Variants in PRKCH observed in about 807,000 individuals in gnomAD.
PRKCH encodes the protein protein kinase C eta.
Under a neutral mutation model 82.5 loss-of-function variants are expected in PRKCH, and 28 were observed. That is an observed-to-expected ratio of 0.34 (90% CI 0.25 to 0.47). PRKCH has a LOEUF of 0.47. Among genes scored for constraint, PRKCH ranks in the 20% least tolerant of loss-of-function variants. The probability of loss-of-function intolerance (pLI) is 1.00; values close to 1 mark genes in which losing one functional copy is unlikely to be tolerated. For missense variants in PRKCH, 705 were observed against 881.8 expected, an observed-to-expected ratio of 0.80 and a Z score of 2.54; for synonymous variants, 322 against 327.4, an observed-to-expected ratio of 0.98 and a Z score of 0.18.
At chr14:61,266,371 T>C (rs1219764148) in intron 1 of PRKCH, among the ~76,000 whole-genome samples, 2 of 152,158 alleles carry the variant, frequency 1.3e-5, no homozygotes, top group African/African-American at 4.8e-5. Flanking sequence ...TGAGCTGAGA[T>C]TGTGCCACTG....
chr14:61,549,721 T>A lies in PRKCH; in HGVS notation c.1942T>A (p.Phe648Ile). 1 of 1,613,764 alleles carries A rather than the reference T, an allele frequency of 6.2e-7. No homozygotes were observed. Among genetic ancestry groups the A allele is most frequent in the Non-Finnish European group, 8.5e-7 (1 of 1,179,976 alleles). The change falls in exon 14 of 14, where the codon TTC (phenylalanine) becomes ATC (isoleucine). Residue 648 changes from phenylalanine (F) to isoleucine (I), a missense_variant. Phe to Ile is a conservative substitution (Grantham distance 21). Transcript: ENST00000332981. ...REDVSNFDPD[F>I]IKEEPVLTPI... ...AGATGTCAGTAATTTTGACCCTGAC[T>A]TCATAAAGGAAGAGCCAGTTTTAAC...
chr14:61,280,942 C>T lies in PRKCH; in HGVS notation c.-19+93274C>T. ...CGAGCAGTTACCGGTGCCCGGGTCG[C>T]CTGTATAGTCGTACTCCAGCTCCTT... On this transcript the variant is annotated intron_variant, in intron 1 of 3. Coordinates refer to the PRKCH transcript ENST00000555185. The surrounding 1 kb of genome is among the most constrained non-coding windows in gnomAD (Gnocchi z 5.0). 1 of 1,540,462 alleles carries T rather than the reference C, an allele frequency of 6.5e-7. No individual in the cohort carries two copies. The highest frequency in any genetic ancestry group is 8.7e-7 in the Non-Finnish European group (1 of 1,146,950).
At chr14:61,415,318 G>A (rs1882496482) in intron 2 of PRKCH, among the ~76,000 whole-genome samples, 1 of 152,242 alleles carries the variant, frequency 6.6e-6, no homozygotes, top group Non-Finnish European at 1.5e-5. Context: ...GCAAAAAGAT[G>A]AAGTTCCTGT....
chr14:61,510,709 G>T (rs76024697), intron 10 of PRKCH, among the ~76,000 whole-genome samples: 1 of 151,402 alleles, frequency 6.6e-6, no homozygotes, highest in Non-Finnish European at 1.5e-5. Context: ...TTGAACTCAC[G>T]GGACTCAACT....
chr14:61,449,896 CTCTCTGTG>C (rs1213172735), intron 5 of PRKCH, among the ~76,000 whole-genome samples: 2,578 of 23,982 alleles, frequency 0.11, 40 homozygotes, highest in African/African-American at 0.14. Flanking sequence ...CTCTCTCTCT[CTCTCTGTG>C]TGTGTGTGTG....
chr14:61,368,496 C>G (rs1042597150), intron 1 of PRKCH, among the ~76,000 whole-genome samples: 3 of 152,042 alleles, frequency 2.0e-5, no homozygotes, highest in African/African-American at 7.3e-5. Flanking sequence ...CGAGGAAAGG[C>G]TTTACAGGCA....
intron 1 of PRKCH, among the ~76,000 whole-genome samples, chr14:61,290,003 G>A (rs1187610407): frequency 1.3e-5 from 2 of 152,052 alleles, no homozygotes; most frequent in African/African-American, 4.8e-5. Flanking sequence ...GAGAGAATAG[G>A]AAAAATGTGT....
chr14:61,277,972 C>T (rs1387405350), intron 1 of PRKCH: 4 of 152,034 alleles, frequency 2.6e-5, no homozygotes, highest in Non-Finnish European at 4.4e-5. Flanking sequence ...TCAGCAAACT[C>T]GATAACAAAG....
intron 9 of PRKCH, among the ~76,000 whole-genome samples, chr14:61,471,715 A>G (rs1316803556): frequency 6.6e-6 from 1 of 151,922 alleles, no homozygotes; most frequent in East Asian, 1.9e-4. Flanking sequence ...CCATTTGCCT[A>G]CTTTGTTGGG....
intron 1 of PRKCH, among the ~76,000 whole-genome samples, chr14:61,283,169 C>G (rs527756707): frequency 3.9e-4 from 59 of 152,168 alleles, no homozygotes; most frequent in Middle Eastern, 3.4e-3. Flanking sequence ...CACACCAAGC[C>G]TATCTGGTAA....
chr14:61,375,518 T>C (rs2046417934), intron 1 of PRKCH, among the ~76,000 whole-genome samples: 1 of 152,026 alleles, frequency 6.6e-6, no homozygotes, highest in Non-Finnish European at 1.5e-5. Context: ...AAAATAGGTT[T>C]AATTGACTCA....
At chr14:61,424,745 A>G (rs1403836447) in intron 2 of PRKCH, among the ~76,000 whole-genome samples, 2 of 152,216 alleles carry the variant, frequency 1.3e-5, no homozygotes, top group Non-Finnish European at 2.9e-5. Context: ...AATGGGGAAA[A>G]TGTTCCTAGG....
intron 10 of PRKCH, among the ~76,000 whole-genome samples, chr14:61,490,655 T>G (rs2140337453): frequency 6.6e-6 from 1 of 152,318 alleles, no homozygotes; most frequent in Non-Finnish European, 1.5e-5. Flanking sequence ...GGCCTATGCC[T>G]GTAATCCCAG....
At position 61,508,461 on chromosome 14, in the gene PRKCH, T is replaced by G. The variant is rs75729700; in HGVS notation, c.1434-20614T>G. On this transcript the variant is annotated intron_variant, in intron 10 of 13. Transcript: ENST00000332981. ...AGGGTGGCTTCGTTAACAGTATTAT[T>G]AAGGCCATCTTACTGACAGCAAAAG... Among the ~76,000 whole-genome samples the G allele has an allele frequency of 5.2e-3, 790 of 152,248 alleles. 12 individuals are homozygous for G. Among genetic ancestry groups the G allele is most frequent in the African/African-American group, 0.018 (762 of 41,496 alleles).
chr14:61,220,394 C>T (rs1215772341), intron 1 of PRKCH, among the ~76,000 whole-genome samples: 6 of 152,170 alleles, frequency 3.9e-5, no homozygotes, highest in Admixed American at 6.5e-5. Context: ...AAGGAAGCCC[C>T]AAATCATCCC....
At chr14:61,260,326 A>G (rs2045035099) in intron 1 of PRKCH, among the ~76,000 whole-genome samples, 1 of 152,216 alleles carries the variant, frequency 6.6e-6, no homozygotes, top group Admixed American at 6.5e-5. Context: ...CAGAACCACT[A>G]GGTTTTACCT....
chr14:61,189,626 CCTTT>C (rs982444713), intron 1 of PRKCH, among the ~76,000 whole-genome samples: 1 of 151,854 alleles, frequency 6.6e-6, no homozygotes, highest in African/African-American at 2.4e-5. Flanking sequence ...TTTCTTCCTC[CCTTT>C]CTCTCTGTCT....
At chr14:61,529,249 A>C in intron 11 of PRKCH, 36 bp downstream of exon 11, 1 of 1,579,560 alleles carries the variant, frequency 6.3e-7, no homozygotes, top group Non-Finnish European at 8.6e-7. Flanking sequence ...CTGAAATCTG[A>C]GCTCTCCAGT....
At chr14:61,328,883 A>G (rs940599639) in intron 1 of PRKCH, among the ~76,000 whole-genome samples, 6 of 151,820 alleles carry the variant, frequency 4.0e-5, no homozygotes, top group Admixed American at 3.3e-4. Flanking sequence ...CTACTTGGGA[A>G]GCTGAGGTGG....
Sources: gnomAD v4.1 joint callset for allele counts (sites outside exome capture counted in the v4.1 genomes callset) on GRCh38, gnomAD v4.1.1 for gene constraint, Gnocchi (gnomAD v3.1) non-coding constraint, MANE v1.5 for transcripts, NCBI Gene and HGNC (gene_info 2026-07-23, HGNC 2026-07-21) for gene names.